The following ARHGEF11 variants were observed in gnomAD, a reference collection of about 807,000 sequenced individuals.
ARHGEF11 encodes Rho guanine nucleotide exchange factor 11, also known as Rho guanine exchange factor (GEF) 11.
Under a neutral mutation model 193.7 loss-of-function variants are expected in ARHGEF11, and 55 were observed. The ratio of observed to expected loss-of-function variants is 0.28; its 90% CI spans 0.23 to 0.36. The LOEUF (loss-of-function observed/expected upper bound fraction) is 0.36, where lower values mean the gene tolerates loss of function less well. Among genes scored for constraint, ARHGEF11 ranks in the 10% least tolerant of loss-of-function variants. The pLI, the probability that ARHGEF11 is intolerant of heterozygous loss-of-function variation, is 1.00. For missense variants in ARHGEF11, 1,723 were observed against 2,005.6 expected (o/e 0.86, Z 2.69); for synonymous variants, 693 against 768.0 (o/e 0.90, Z 1.62).
At chr1:156,946,824 A>C (rs1571186762) in intron 27 of ARHGEF11, 37 bp from the exon 28 acceptor site, 1 of 1,610,638 alleles carries the variant, frequency 6.2e-7, no homozygotes, top group Non-Finnish European at 8.5e-7. Flanking sequence ...CAGGCATCAA[A>C]CCCCTGCCTG....
At chr1:156,961,557 G>T in intron 14 of ARHGEF11, 120 bp downstream of exon 14, 1 of 814,644 alleles carries the variant, frequency 1.2e-6, no homozygotes, top group Non-Finnish European at 2.0e-6. Context: ...TAATCTCTCA[G>T]CCTAGATTTC....
In ARHGEF11 at chr1:157,045,726, C is replaced by G. The variant is rs1342069930; in HGVS notation, c.-1396G>C. On this transcript the variant is annotated 5_prime_UTR_variant, in exon 1 of 41. Coordinates refer to ENST00000368194, the MANE Select transcript of ARHGEF11 (RefSeq NM_198236.3). ...CTGCGGCGGCTGCGGCAGGCCGGCA[C>G]GAGCGGGCGTCCGACTGCCGGCGTC... is the stretch of plus-strand genomic sequence containing the variant. 1.3e-5 allele frequency among the ~76,000 whole-genome samples: 2 copies of G among 149,846 alleles called. No homozygotes were observed. The highest frequency in any genetic ancestry group is 4.9e-5 in the African/African-American group (2 of 41,214).
At chr1:157,011,079 C>G (rs747627187) in intron 1 of ARHGEF11, among the ~76,000 whole-genome samples, 9 of 152,106 alleles carry the variant, frequency 5.9e-5, no homozygotes, top group Non-Finnish European at 1.3e-4. Context: ...CTCATAATTC[C>G]TGATTTCAAG....
At chr1:157,044,054 ATCC>A (rs1017724234) in intron 1 of ARHGEF11, among the ~76,000 whole-genome samples, 2 of 152,104 alleles carry the variant, frequency 1.3e-5, no homozygotes, top group Admixed American at 1.3e-4. Flanking sequence ...CTGGAAGCAC[ATCC>A]TCCTCCTTTC....
intron 1 of ARHGEF11, among the ~76,000 whole-genome samples, chr1:157,026,498 A>C (rs1341209015): frequency 6.6e-6 from 1 of 152,228 alleles, no homozygotes; most frequent in Non-Finnish European, 1.5e-5. Flanking sequence ...AGATGATTAT[A>C]ATAGAGAAGG....
Position 156,944,473 on chromosome 1 carries a change from CATTCATTCAAGT to C in ARHGEF11, c.2992-52_2992-41del, listed in dbSNP as rs769974275. 8.2e-6 allele frequency: 13 copies of C among 1,585,462 alleles called. No homozygotes were observed. In the South Asian group the frequency reaches 1.4e-4, roughly 18 times the overall value. On this transcript the variant is annotated intron_variant, in intron 30 of 40. Coordinates refer to ENST00000368194, the MANE Select transcript of ARHGEF11 (RefSeq NM_198236.3). The stretch of plus-strand genomic sequence containing the variant: ...CCATTCATTCATTCATTCATTCATT[CATTCATTCAAGT>C]GTTTGAGAGCCTACTGTGTGCCAGA...
chr1:156,985,343 C>T (rs998815624), intron 2 of ARHGEF11, among the ~76,000 whole-genome samples: 34 of 152,182 alleles, frequency 2.2e-4, no homozygotes, highest in Admixed American at 2.6e-4. Flanking sequence ...GCCTAGTATA[C>T]ATCATGTGCT....
Position 156,936,301 on chromosome 1 carries a change from C to T in ARHGEF11, c.4631-243G>A, listed in dbSNP as rs72700704. Reference sequence around the variant, plus strand: ...TTCCTGAGTTATGACATAGCTGTGTCCCTGGCCCACCCAGTGTGGTTCTGA... The same window carrying T: ...TTCCTGAGTTATGACATAGCTGTGTTCCTGGCCCACCCAGTGTGGTTCTGA... On this transcript the variant is annotated intron_variant, in intron 40 of 40. Coordinates refer to ENST00000368194, the MANE Select transcript of ARHGEF11 (RefSeq NM_198236.3). 6,702 of 677,752 alleles carry T rather than the reference C, an allele frequency of 9.9e-3. 52 individuals carry two copies. The highest frequency in any genetic ancestry group is 0.016 in the Non-Finnish European group (5,526 of 354,898). The allele number at this position is 677,752 out of a possible 1,614,324, so 42.0% of individuals were successfully genotyped here. A position where few individuals can be genotyped will look rare whatever the true frequency, so the allele number is the denominator to read the frequency against.
chr1:157,023,639 G>A (rs917429806), intron 1 of ARHGEF11, among the ~76,000 whole-genome samples: 2 of 152,016 alleles, frequency 1.3e-5, no homozygotes, highest in Non-Finnish European at 1.5e-5. Flanking sequence ...AGTGGCATGC[G>A]CCTGTAATAC....
At chr1:156,967,852 G>A in intron 11 of ARHGEF11, 135 bp downstream of exon 11, 2 of 1,133,350 alleles carry the variant, frequency 1.8e-6, no homozygotes, top group Non-Finnish European at 2.6e-6. Context: ...CTCTATGTAA[G>A]TGACTGTCTC....
intron 19 of ARHGEF11, 77 bp downstream of exon 19, chr1:156,956,343 T>A (rs1310937621): frequency 6.6e-7 from 1 of 1,520,180 alleles, no homozygotes; most frequent in African/African-American, 1.4e-5. Flanking sequence ...CTCGAACTCC[T>A]GAGCTCAGGC....
chr1:156,955,938 C>G (rs2102062895), intron 19 of ARHGEF11, 139 bp from the exon 20 acceptor site: 2 of 728,056 alleles, frequency 2.7e-6, no homozygotes, highest in South Asian at 3.1e-5. Context: ...CCCTAACAAG[C>G]ATGTTCGCCT....
intron 20 of ARHGEF11, among the ~76,000 whole-genome samples, chr1:156,955,422 C>T (rs376560790): frequency 2.6e-5 from 4 of 152,244 alleles, no homozygotes; most frequent in South Asian, 4.2e-4. Flanking sequence ...CGATCCTTGC[C>T]GAGGGGAAAT....
intron 21 of ARHGEF11, among the ~76,000 whole-genome samples, chr1:156,953,152 A>C (rs1185296537): frequency 6.6e-6 from 1 of 152,260 alleles, no homozygotes; most frequent in Non-Finnish European, 1.5e-5. Flanking sequence ...TTTTAAAAAG[A>C]GCAAAGTGGC....
rs1270617437 is a variant in ARHGEF11 at position 156,939,358 on chromosome 1, C to G, written c.4096+190G>C. The G allele has an allele frequency of 1.4e-5, 10 of 730,586 alleles. No individual in the cohort carries two copies. In the Admixed American group the frequency reaches 2.8e-4, roughly 20 times the overall value. The allele number at this position is 730,586 out of a possible 1,614,324, so 45.3% of individuals were successfully genotyped here. On this transcript the variant is annotated intron_variant, in intron 37 of 40. Coordinates refer to ENST00000368194, the MANE Select transcript of ARHGEF11 (RefSeq NM_198236.3). ...ACAGATATTAAGTGGCAGAGCTAAG[C>G]TCTGAATCTCGAATGTCCAACTCCA... is the stretch of plus-strand genomic sequence containing the variant.
chr1:156,989,357 GA>G (rs754681462), intron 1 of ARHGEF11, among the ~76,000 whole-genome samples: 4 of 151,788 alleles, frequency 2.6e-5, no homozygotes, highest in Non-Finnish European at 5.9e-5. Flanking sequence ...CTGGATTACT[GA>G]AAAAAACCTC....
intron 1 of ARHGEF11, among the ~76,000 whole-genome samples, chr1:157,032,090 AATTTTGAAATTACAAAAAAT>A (rs1557984203): frequency 6.6e-6 from 1 of 152,166 alleles, no homozygotes; most frequent in African/African-American, 2.4e-5. Context: ...TCTGGGCTTT[AATTTTGAAATTACAAAAAAT>A]CCTGTAAGCC....
At chr1:157,019,145 A>C (rs1003776167) in intron 1 of ARHGEF11, among the ~76,000 whole-genome samples, 5 of 152,238 alleles carry the variant, frequency 3.3e-5, no homozygotes, top group African/African-American at 1.2e-4. Context: ...GATTTCATCA[A>C]AATTAAGAAC....
At chr1:157,005,894 T>C (rs1356771438) in intron 1 of ARHGEF11, among the ~76,000 whole-genome samples, 3 of 152,234 alleles carry the variant, frequency 2.0e-5, no homozygotes, top group Non-Finnish European at 2.9e-5. Context: ...TCTACATCTC[T>C]GGTTTCCCCA....
Sources: allele counts gnomAD v4.1 joint callset (sites outside exome capture counted in the v4.1 genomes callset), GRCh38; gene constraint gnomAD v4.1.1; transcripts MANE v1.5; gene names NCBI Gene and HGNC (gene_info 2026-07-23, HGNC 2026-07-21).